The following BDH2 variants were observed in gnomAD, a reference collection of about 807,000 sequenced individuals.
BDH2 encodes 3-hydroxybutyrate dehydrogenase 2, also known as dehydrogenase/reductase SDR family member 6.
BDH2 carries 24 observed loss-of-function variants against 33.2 expected under a neutral mutation model. The observed-to-expected ratio is 0.72, with a 90% CI of 0.52 to 1.02. The LOEUF (loss-of-function observed/expected upper bound fraction) is 1.02. Among genes scored for constraint, BDH2 ranks in the 50% least tolerant of loss-of-function variants. The probability of loss-of-function intolerance (pLI) is 0.00; values close to 1 mark genes in which losing one functional copy is unlikely to be tolerated. For missense variants in BDH2, 249 were observed against 301.6 expected (o/e 0.83, Z 1.29); for synonymous variants, 81 against 101.6 (o/e 0.80, Z 1.22).
chr4:103,079,807 C>T, intron 9 of BDH2, 52 bp from the exon 10 acceptor site: 4 of 1,562,260 alleles, frequency 2.6e-6, no homozygotes, highest in Non-Finnish European at 3.5e-6. Flanking sequence ...TTGATACAGG[C>T]TGTATTTTGA....
At chr4:103,086,352 G>C in intron 6 of BDH2, 128 bp downstream of exon 6, 1 of 1,371,286 alleles carries the variant, frequency 7.3e-7, no homozygotes, top group Non-Finnish European at 9.4e-7. Flanking sequence ...TACCAATTTT[G>C]AAAAAAGCAG....
chr4:103,081,102 C>T (rs1311186597), intron 9 of BDH2, among the ~76,000 whole-genome samples: 1 of 152,144 alleles, frequency 6.6e-6, no homozygotes, highest in African/African-American at 2.4e-5. Context: ...GTTCCTTGTT[C>T]CTGTAGTATT....
intron 2 of BDH2, among the ~76,000 whole-genome samples, chr4:103,095,552 A>G (rs1316878884): frequency 2.0e-5 from 3 of 152,178 alleles, no homozygotes; most frequent in Non-Finnish European, 4.4e-5. Flanking sequence ...AAAAAATGAC[A>G]GCTGTTTTCA....
chr4:103,095,179 A>G (rs749663801), intron 3 of BDH2, 24 bp downstream of exon 3: 1 of 1,602,620 alleles, frequency 6.2e-7, no homozygotes. Flanking sequence ...CTGAATCCCA[A>G]ATTCAAGCTG....
chr4:103,091,264 G>A lies in BDH2; in HGVS notation c.270C>T (p.Val90=), dbSNP rs1407420418. Reference sequence around the variant, plus strand: ...CCCAGTCTTTCTCCTCACAATCCAGGACAGTTCCATGATGGACAAAACTAG... The same window carrying A: ...CCCAGTCTTTCTCCTCACAATCCAGAACAGTTCCATGATGGACAAAACTAG... The part of the protein sequence containing the change: ...NVAGFVHHGT[V]LDCEEKDWDF... Residue 90 remains valine (V), a synonymous_variant, in exon 5 of 10, where the codon GTC becomes GTT. Coordinates refer to ENST00000296424, the MANE Select transcript of BDH2 (RefSeq NM_020139.4). 8 of 1,612,806 alleles carry A rather than the reference G, an allele frequency of 5.0e-6. No individual in the cohort carries two copies. The highest frequency in any genetic ancestry group is 6.8e-6 in the Non-Finnish European group (8 of 1,179,008).
intron 9 of BDH2, 49 bp from the exon 10 acceptor site, chr4:103,079,804 A>G (rs1257890284): frequency 6.4e-7 from 1 of 1,569,648 alleles, no homozygotes; most frequent in Non-Finnish European, 8.8e-7. Context: ...GGTTTGATAC[A>G]GGCTGTATTT....
In BDH2 at chr4:103,082,136, C is replaced by T. The variant is rs762563981; in HGVS notation, c.629G>A (p.Arg210Lys). 1 of 1,614,186 alleles carries T rather than the reference C, an allele frequency of 6.2e-7. No individual in the cohort carries two copies. Among genetic ancestry groups the T allele is most frequent in the South Asian group, 1.1e-5 (1 of 91,082 alleles). ...NDFLKRQKTG[R>K]FATAEEIAML... ...GGCTATTTCTTCTGCAGTTGCGAAT[C>T]TTCCCGTCTTTTGTCTCTTCAGGAA... is the stretch of plus-strand genomic sequence containing the variant. Residue 210 changes from arginine to lysine, a missense_variant, in exon 9 of 10, where the codon AGA becomes AAA. By Grantham distance (26) the Arg-to-Lys change is conservative. Transcript: ENST00000296424.
intron 1 of BDH2, chr4:103,098,627 G>A (rs1578513686): frequency 6.6e-6 from 1 of 152,288 alleles, no homozygotes; most frequent in Non-Finnish European, 1.5e-5. Context: ...TGACTGGCTA[G>A]AGAAGCTCCT....
intron 5 of BDH2, 51 bp downstream of exon 5, chr4:103,091,126 T>C (rs1186917216): frequency 8.5e-7 from 1 of 1,177,122 alleles, no homozygotes; most frequent in Non-Finnish European, 1.3e-6. Context: ...GTGTGCCCAG[T>C]ACAGAGACCT....
chr4:103,079,928 T>G (rs1359872515), intron 9 of BDH2, among the ~76,000 whole-genome samples, 173 bp from the exon 10 acceptor site: 2 of 152,218 alleles, frequency 1.3e-5, no homozygotes, highest in Non-Finnish European at 2.9e-5. Flanking sequence ...GATTTAGAAC[T>G]GCTGAGTGTC....
chr4:103,095,786 G>T (rs1748374512), intron 2 of BDH2, among the ~76,000 whole-genome samples: 1 of 152,148 alleles, frequency 6.6e-6, no homozygotes, highest in Non-Finnish European at 1.5e-5. Flanking sequence ...TAATGTAACA[G>T]AAATTGATAT....
rs556398861 is a variant in BDH2 at position 103,088,738 on chromosome 4, C to G, written c.358-2198G>C. Among the ~76,000 whole-genome samples the G allele has an allele frequency of 2.2e-4, 34 of 152,342 alleles. 2 individuals carry two copies. The South Asian group carries it at 7.1e-3, about 32-fold the overall frequency. On this transcript the variant is annotated intron_variant, in intron 5 of 9. Coordinates refer to ENST00000296424, the MANE Select transcript of BDH2 (RefSeq NM_020139.4). ...TTAGTCTTACTCTGACCCAGCCCTT[C>G]TGTCTCCATTGGCCAGAGCTCAGCC... is the stretch of plus-strand genomic sequence containing the variant.
At chr4:103,094,294 A>T (rs1158770209) in intron 3 of BDH2, among the ~76,000 whole-genome samples, 1 of 152,220 alleles carries the variant, frequency 6.6e-6, no homozygotes, top group Non-Finnish European at 1.5e-5. Context: ...GTATGAAAAT[A>T]TTGAGACGTT....
At chr4:103,086,939 C>T (rs1051633145) in intron 5 of BDH2, among the ~76,000 whole-genome samples, 2 of 152,108 alleles carry the variant, frequency 1.3e-5, no homozygotes, top group Non-Finnish European at 2.9e-5. Context: ...GTGCTAGGTC[C>T]AGGAGATTAC....
Position 103,082,555 on chromosome 4 carries a change from T to C in BDH2, c.591+316A>G, listed in dbSNP as rs542194299. Among the ~76,000 whole-genome samples the C allele has an allele frequency of 7.9e-5, 12 of 152,200 alleles. No homozygotes were observed. The South Asian group carries it at 2.5e-3, about 32-fold the overall frequency. On this transcript the variant is annotated intron_variant, in intron 8 of 9. Transcript: ENST00000296424. ...CCATCTCCAGAACTCTTATTTTTAT[T>C]ATTATTATTTTTTCTTAGAGACAGA...
chr4:103,095,376 T>C, intron 2 of BDH2, 95 bp from the exon 3 acceptor site: 1 of 910,832 alleles, frequency 1.1e-6, no homozygotes. Context: ...CTTTATCTTA[T>C]TTTCATTGTT....
At chr4:103,091,921 T>C (rs1748119639) in intron 4 of BDH2, among the ~76,000 whole-genome samples, 1 of 152,194 alleles carries the variant, frequency 6.6e-6, no homozygotes, top group South Asian at 2.1e-4. Context: ...GCTAGTGTTC[T>C]AACATACTGA....
At chr4:103,099,699 G>A (rs1001528811) in intron 1 of BDH2, 84 bp downstream of exon 1, 1 of 152,018 alleles carries the variant, frequency 6.6e-6, no homozygotes, top group African/African-American at 2.4e-5. Context: ...AACAGGCAAC[G>A]TGCAGAAAAA....
chr4:103,085,206 T>C, intron 7 of BDH2, 143 bp downstream of exon 7: 1 of 647,370 alleles, frequency 1.5e-6, no homozygotes, highest in Non-Finnish European at 2.7e-6. Flanking sequence ...TTTATGGCTT[T>C]GAGAGTCATT....
Sources: allele counts gnomAD v4.1 joint callset (sites outside exome capture counted in the v4.1 genomes callset), GRCh38; gene constraint gnomAD v4.1.1; transcripts MANE v1.5; gene names NCBI Gene and HGNC (gene_info 2026-07-23, HGNC 2026-07-21).